Variants in NDUFA8 observed in about 807,000 individuals in gnomAD.
NDUFA8 encodes the protein NADH:ubiquinone oxidoreductase subunit A8, also known as NADH dehydrogenase [ubiquinone] 1 alpha subcomplex subunit 8.
Under a neutral mutation model 20.9 loss-of-function variants are expected in NDUFA8, and 16 were observed. That is an observed-to-expected ratio of 0.77 (90% CI 0.52 to 1.16). The LOEUF (loss-of-function observed/expected upper bound fraction) is 1.16. NDUFA8 is among the 50% of genes most tolerant of loss of function. The probability of loss-of-function intolerance (pLI) is 0.00; values close to 1 mark genes in which losing one functional copy is unlikely to be tolerated. For synonymous variants in NDUFA8, 70 were observed against 76.1 expected, an observed-to-expected ratio of 0.92 and a Z score of 0.41; for missense variants, 202 against 216.4, an observed-to-expected ratio of 0.93 and a Z score of 0.42.
intron 1 of NDUFA8, among the ~76,000 whole-genome samples, chr9:122,156,604 C>A (rs1158444383): frequency 6.6e-6 from 1 of 152,208 alleles, no homozygotes; most frequent in Non-Finnish European, 1.5e-5. Flanking sequence ...AAGCTTCTGA[C>A]TGCTTTTTCA....
In NDUFA8 at chr9:122,159,740, T is replaced by A. The variant is rs1209690949; in HGVS notation, c.-63A>T. On this transcript the variant is annotated 5_prime_UTR_variant, in exon 1 of 4. Transcript: ENST00000373768. Reference sequence around the variant, plus strand: ...CCGCGTCGCCCCCGTCTCCTTGAACTCCCCTTTCGACCGCCGAGTGCCACA... The same window carrying A: ...CCGCGTCGCCCCCGTCTCCTTGAACACCCCTTTCGACCGCCGAGTGCCACA... 3 of 1,610,814 alleles carry A rather than the reference T, an allele frequency of 1.9e-6. No homozygotes were observed. Among genetic ancestry groups the A allele is most frequent in the Non-Finnish European group, 1.7e-6 (2 of 1,177,946 alleles).
At chr9:122,146,449 T>C (rs921259764) in intron 3 of NDUFA8, among the ~76,000 whole-genome samples, 2 of 152,252 alleles carry the variant, frequency 1.3e-5, no homozygotes, top group South Asian at 2.1e-4. Flanking sequence ...GTTCTACCAC[T>C]TTCCAATCTA....
chr9:122,144,249 T>C lies in NDUFA8; in HGVS notation c.511A>G (p.Thr171Ala). ...ATHGSRFYFWTK is the reference protein window; with the variant it reads ...ATHGSRFYFWAK The stretch of plus-strand genomic sequence containing the variant: ...GGGCCACGGACCCATCTTTACTTGG[T>C]CCAGAAATAAAAGCGGCTGCCATGT... Residue 171 changes from threonine to alanine, a missense_variant, in exon 4 of 4, where the codon ACC becomes GCC. Thr to Ala is a moderately conservative substitution (Grantham distance 58, BLOSUM62 0). Coordinates refer to ENST00000373768, the MANE Select transcript of NDUFA8 (RefSeq NM_014222.3). 1 of 1,613,926 alleles carries C rather than the reference T, an allele frequency of 6.2e-7. No individual in the cohort carries two copies.
At chr9:122,145,465 C>G (rs1828892286) in intron 3 of NDUFA8, among the ~76,000 whole-genome samples, 2 of 151,810 alleles carry the variant, frequency 1.3e-5, no homozygotes, top group Middle Eastern at 3.2e-3. Context: ...AAGGCCACAG[C>G]TGTCAGCAGT....
At chr9:122,152,648 G>A (rs1228558930) in intron 1 of NDUFA8, among the ~76,000 whole-genome samples, 2 of 150,206 alleles carry the variant, frequency 1.3e-5, no homozygotes, top group East Asian at 3.9e-4. Flanking sequence ...TTCGGCCTCC[G>A]AGGCTCAAGC....
chr9:122,159,551 G>A, intron 1 of NDUFA8, 76 bp downstream of exon 1: 1 of 1,579,602 alleles, frequency 6.3e-7, no homozygotes, highest in Middle Eastern at 1.7e-4. Flanking sequence ...GATCCGCGGA[G>A]CCCAAGGGGG....
intron 1 of NDUFA8, among the ~76,000 whole-genome samples, chr9:122,158,617 G>A (rs925512033): frequency 1.1e-4 from 17 of 151,560 alleles, no homozygotes; most frequent in African/African-American, 3.9e-4. Flanking sequence ...TCTACTCTCG[G>A]GGACTAATTC....
In NDUFA8 at chr9:122,148,285, A is replaced by G; in HGVS notation, c.216-8T>C. 1.9e-6 allele frequency: 3 copies of G among 1,614,164 alleles called. No homozygotes were observed. Among genetic ancestry groups the G allele is most frequent in the Middle Eastern group, 1.6e-4 (1 of 6,062 alleles). ...CAGTGACGTTTTATCTGCCTGGAAA[A>G]GAAAGCTGGGTTAGGGGCATCTCTT... On this transcript the variant is annotated splice_region_variant and splice_polypyrimidine_tract_variant and intron_variant, in intron 2 of 3. Coordinates refer to ENST00000373768, the MANE Select transcript of NDUFA8 (RefSeq NM_014222.3).
chr9:122,141,940 G>A (rs891145943), downstream of NDUFA8, among the ~76,000 whole-genome samples: 5 of 152,236 alleles, frequency 3.3e-5, no homozygotes, highest in East Asian at 1.9e-4. Flanking sequence ...TGTCCAACTT[G>A]GGCAAAAGTT....
the NDUFA8 span, among the ~76,000 whole-genome samples, chr9:122,136,328 A>G: frequency 3.3e-5 from 5 of 152,250 alleles, no homozygotes; most frequent in Non-Finnish European, 7.3e-5. Flanking sequence ...TAATGTATCA[A>G]TACAACAATT....
the NDUFA8 span, among the ~76,000 whole-genome samples, chr9:122,134,147 C>G: frequency 1.1e-4 from 17 of 152,330 alleles, no homozygotes; most frequent in Non-Finnish European, 2.1e-4. Flanking sequence ...AGATAACTCA[C>G]GTGGAAACGC....
the NDUFA8 span, among the ~76,000 whole-genome samples, chr9:122,136,706 A>G: frequency 1.0e-3 from 152 of 151,954 alleles, no homozygotes; most frequent in African/African-American, 3.5e-3. Flanking sequence ...ACAGGCGCCC[A>G]CCAGCAAGCC....
chr9:122,158,040 T>C (rs7850855), intron 1 of NDUFA8, among the ~76,000 whole-genome samples: 46,287 of 151,860 alleles, frequency 0.3, 10,663 homozygotes, highest in African/African-American at 0.65. Context: ...GTAGTCGCAG[T>C]TACTCGGGAG....
At chr9:122,141,064 T>G (rs1005714758), downstream of NDUFA8, among the ~76,000 whole-genome samples, 5 of 152,186 alleles carry the variant, frequency 3.3e-5, no homozygotes. Flanking sequence ...GGGTAGACTT[T>G]CAAGAGGCAG....
intron 2 of NDUFA8, among the ~76,000 whole-genome samples, chr9:122,151,896 T>C (rs919162200): frequency 6.6e-6 from 1 of 152,210 alleles, no homozygotes; most frequent in Non-Finnish European, 1.5e-5. Flanking sequence ...ACCTAGTGAA[T>C]GCCTGCTTAA....
At chr9:122,143,613 TG>T (rs1273891170), downstream of NDUFA8, among the ~76,000 whole-genome samples, 2 of 152,170 alleles carry the variant, frequency 1.3e-5, no homozygotes, top group East Asian at 3.9e-4. Flanking sequence ...GAAAAACATC[TG>T]GGTTATAATG....
downstream of NDUFA8, among the ~76,000 whole-genome samples, chr9:122,142,435 T>C (rs559631401): frequency 2.6e-5 from 4 of 152,220 alleles, no homozygotes; most frequent in Non-Finnish European, 5.9e-5. Flanking sequence ...ACACACCAAT[T>C]ACAACAGAAT....
In NDUFA8 at chr9:122,159,701, C is replaced by G; in HGVS notation, c.-24G>C. 6.2e-7 allele frequency: 1 copy of G among 1,614,096 alleles called. No individual in the cohort carries two copies. Among genetic ancestry groups the G allele is most frequent in the Non-Finnish European group, 8.5e-7 (1 of 1,179,986 alleles). On this transcript the variant is annotated 5_prime_UTR_variant, in exon 1 of 4. Coordinates refer to ENST00000373768, the MANE Select transcript of NDUFA8 (RefSeq NM_014222.3). ...ATGACGGCTGCAGCCCCGACCCCGA[C>G]GAGAAGCCCTCAGCCGCGTCGCCCC... is the stretch of plus-strand genomic sequence containing the variant.
In NDUFA8 at chr9:122,144,210, A is replaced by T. The variant is rs1249172875; in HGVS notation, c.*31T>A. On this transcript the variant is annotated 3_prime_UTR_variant, in exon 4 of 4. Transcript: ENST00000373768. The stretch of plus-strand genomic sequence containing the variant: ...CGTTTTCATCAGTCGTTGTCTGAGC[A>T]CATGACCGAGTGTGGGCCACGGACC... 6.2e-7 allele frequency: 1 copy of T among 1,612,994 alleles called. No individual in the cohort carries two copies. The highest frequency in any genetic ancestry group is 8.5e-7 in the Non-Finnish European group (1 of 1,180,000).
Sources: allele counts gnomAD v4.1 joint callset (sites outside exome capture counted in the v4.1 genomes callset), GRCh38; gene constraint gnomAD v4.1.1; transcripts MANE v1.5; gene names NCBI Gene and HGNC (gene_info 2026-07-23, HGNC 2026-07-21).